The following GABBR2 variants were observed in gnomAD, a reference collection of about 807,000 sequenced individuals.
GABBR2 encodes the protein G-protein coupled receptor 51.
In GABBR2, 23 loss-of-function variants were observed where a neutral mutation model predicts 105.6. The observed-to-expected ratio is 0.22, with a 90% CI of 0.16 to 0.31. The LOEUF is 0.31. Ranked by LOEUF, GABBR2 falls within the 10% of genes least tolerant of loss-of-function variation. GABBR2 has a pLI of 1.00. For missense variants in GABBR2, 734 were observed against 1,245.5 expected, an observed-to-expected ratio of 0.59 and a Z score of 6.18; for synonymous variants, 478 against 499.7, an observed-to-expected ratio of 0.96 and a Z score of 0.58.
At position 98,406,143 on chromosome 9, in the gene GABBR2, TA is replaced by T; in HGVS notation, c.1237-3del. On this transcript the variant is annotated splice_polypyrimidine_tract_variant and splice_region_variant and intron_variant, in intron 7 of 18. Transcript: ENST00000259455. ...CCCATTCCGGAATACAACTTGACCC[TA>T]AAAACAAAACAAAACAAATCAAACA... 6.4e-7 allele frequency: 1 copy of T among 1,566,108 alleles called. No homozygotes were observed. The highest frequency in any genetic ancestry group is 8.7e-7 in the Non-Finnish European group (1 of 1,153,426).
intron 8 of GABBR2, among the ~76,000 whole-genome samples, chr9:98,404,719 T>G (rs1832459097): frequency 6.6e-6 from 1 of 152,150 alleles, no homozygotes; most frequent in Non-Finnish European, 1.5e-5. Flanking sequence ...ACCTCCGTTT[T>G]TCCCTCATCA....
In GABBR2 at chr9:98,661,543, G is replaced by C. The variant is rs529021448; in HGVS notation, c.321+46874C>G. ...ACCCTCCTGAGTAGCTGGGATTACA[G>C]GCGCATACCACCATGCCCAGCTAAT... On this transcript the variant is annotated intron_variant, in intron 1 of 18. Transcript: ENST00000259455. 2.0e-5 allele frequency among the ~76,000 whole-genome samples: 3 copies of C among 152,174 alleles called. No homozygotes were observed. In the East Asian group the frequency reaches 5.8e-4, roughly 30 times the overall value.
At chr9:98,520,810 C>T (rs542459869) in intron 3 of GABBR2, among the ~76,000 whole-genome samples, 6 of 152,308 alleles carry the variant, frequency 3.9e-5, no homozygotes, top group South Asian at 4.1e-4. Flanking sequence ...TGATGAGTCC[C>T]TGGCAAGGGA....
intron 10 of GABBR2, 49 bp from the exon 11 acceptor site, chr9:98,385,821 A>T: frequency 2.7e-6 from 4 of 1,494,382 alleles, no homozygotes; most frequent in Non-Finnish European, 3.7e-6. Context: ...TAATTTAGTT[A>T]TTCCTTCAAC....
At chr9:98,521,367 G>A (rs1406829606) in intron 3 of GABBR2, among the ~76,000 whole-genome samples, 1 of 152,140 alleles carries the variant, frequency 6.6e-6, no homozygotes, top group Non-Finnish European at 1.5e-5. Flanking sequence ...GCCTCTGATG[G>A]GTGAGTAAGT....
Position 98,311,197 on chromosome 9 carries a change from T to G in GABBR2, c.1902A>C (p.Pro634=). The change falls in exon 14 of 19, where the codon CCA becomes CCC. Residue 634 remains proline (P), a synonymous_variant. Coordinates refer to ENST00000259455, the MANE Select transcript of GABBR2 (RefSeq NM_005458.8). The part of the protein sequence containing the change: ...TVEKYSMEPD[P]AGRDISIRPL... ...GGCGGATGGAGATATCCCGTCCTGC[T>G]GGGTCCGGCTGTGCAAAGAGAAAAC... is the stretch of plus-strand genomic sequence containing the variant. 2.5e-6 allele frequency: 4 copies of G among 1,609,604 alleles called. No homozygotes were observed. Among genetic ancestry groups the G allele is most frequent in the Non-Finnish European group, 3.4e-6 (4 of 1,175,912 alleles).
intron 4 of GABBR2, among the ~76,000 whole-genome samples, chr9:98,491,920 C>T (rs901814823): frequency 1.3e-5 from 2 of 152,102 alleles, no homozygotes; most frequent in Non-Finnish European, 1.5e-5. Context: ...AGTATGCCAT[C>T]GCTTTTGGCT....
intron 8 of GABBR2, among the ~76,000 whole-genome samples, chr9:98,394,895 A>G (rs1832259813): frequency 6.6e-6 from 1 of 152,140 alleles, no homozygotes; most frequent in Admixed American, 6.5e-5. Flanking sequence ...CATTGCTATT[A>G]TATGCATCCT....
At chr9:98,484,151 G>A (rs1162997951) in intron 4 of GABBR2, among the ~76,000 whole-genome samples, 1 of 151,604 alleles carries the variant, frequency 6.6e-6, no homozygotes, top group East Asian at 1.9e-4. Context: ...CTTCATAGCT[G>A]ACCTCCTGAC....
chr9:98,615,533 C>T (rs1829570548), intron 1 of GABBR2, among the ~76,000 whole-genome samples: 2 of 152,184 alleles, frequency 1.3e-5, no homozygotes, highest in South Asian at 4.1e-4. Flanking sequence ...CTCCCCACCC[C>T]CAGGATATTT....
chr9:98,385,663 T>C lies in GABBR2; in HGVS notation c.1639A>G (p.Lys547Glu). ...ACGGTGCAAAGTGTTTCAAAGGTCT[T>C]TTCAGAGACAAAGGATCCATCAAGG... Reference protein sequence around the residue: ...FGLDGSFVSEKTFETLCTVRT... With the variant: ...FGLDGSFVSEETFETLCTVRT... Residue 547 changes from lysine (K) to glutamate (E), a missense_variant, in exon 11 of 19, where the codon AAG becomes GAG. By Grantham distance (56) the Lys-to-Glu change is moderately conservative. This residue lies in a region of GABBR2 where 370 missense variants were observed against 648.9 expected (regional missense o/e 0.57). Coordinates refer to ENST00000259455, the MANE Select transcript of GABBR2 (RefSeq NM_005458.8). The C allele has an allele frequency of 6.2e-7, 1 of 1,613,502 alleles. No homozygotes were observed. The highest frequency in any genetic ancestry group is 2.2e-5 in the East Asian group (1 of 44,878).
Position 98,455,574 on chromosome 9 carries a change from G to A in GABBR2, c.1000-1357C>T, listed in dbSNP as rs529089429. Among the ~76,000 whole-genome samples, 348 of 152,348 alleles carry A rather than the reference G, an allele frequency of 2.3e-3. 1 individual carries two copies. Among genetic ancestry groups the A allele is most frequent in the African/African-American group, 7.8e-3 (324 of 41,588 alleles). On this transcript the variant is annotated intron_variant, in intron 6 of 18. Coordinates refer to ENST00000259455, the MANE Select transcript of GABBR2 (RefSeq NM_005458.8). ...CCTGTGTGTGTGTGGTGGAGGGAGG[G>A]GGGGCGCGGCACCAGACTACCTTCC...
At chr9:98,464,691 G>C (rs896011072) in intron 6 of GABBR2, among the ~76,000 whole-genome samples, 1 of 152,084 alleles carries the variant, frequency 6.6e-6, no homozygotes. Flanking sequence ...GGGAAATGTG[G>C]GGAAAAGAAA....
chr9:98,538,197 AT>A, intron 3 of GABBR2, among the ~76,000 whole-genome samples: 1 of 152,240 alleles, frequency 6.6e-6, no homozygotes, highest in East Asian at 1.9e-4. Flanking sequence ...AAATAGCCCC[AT>A]TTTACACAAG....
chr9:98,305,710 T>A (rs4743199), intron 15 of GABBR2, among the ~76,000 whole-genome samples: 25,523 of 151,192 alleles, frequency 0.17, 2,229 homozygotes, highest in Middle Eastern at 0.22. Flanking sequence ...AGCTACTTGG[T>A]AGGTTGAGGC....
chr9:98,325,902 A>C (rs909740502), intron 13 of GABBR2, among the ~76,000 whole-genome samples: 1 of 152,194 alleles, frequency 6.6e-6, no homozygotes, highest in Non-Finnish European at 1.5e-5. Flanking sequence ...GGTGTTCTTC[A>C]AAGACCTAAG....
chr9:98,436,110 C>T (rs1825897867), intron 7 of GABBR2, among the ~76,000 whole-genome samples: 1 of 150,658 alleles, frequency 6.6e-6, no homozygotes, highest in Non-Finnish European at 1.5e-5. Context: ...AATGAATGAA[C>T]AAAGGGAAAC....
chr9:98,669,460 T>C (rs1830379968), intron 1 of GABBR2, among the ~76,000 whole-genome samples: 1 of 152,228 alleles, frequency 6.6e-6, no homozygotes, highest in African/African-American at 2.4e-5. Flanking sequence ...CTTTTGTTGA[T>C]AAATTCAGTT....
At chr9:98,508,007 G>A (rs1219703954) in intron 3 of GABBR2, among the ~76,000 whole-genome samples, 2 of 152,158 alleles carry the variant, frequency 1.3e-5, no homozygotes. Context: ...GAGCTGTTGG[G>A]GAATGAAATT....
Sources: gnomAD v4.1 joint callset for allele counts (sites outside exome capture counted in the v4.1 genomes callset) on GRCh38, gnomAD v4.1.1 for gene constraint, gnomAD v4.1.1 regional missense constraint, MANE v1.5 for transcripts, NCBI Gene and HGNC (gene_info 2026-07-23, HGNC 2026-07-21) for gene names.